The following DEPDC5 variants were observed in gnomAD, a reference collection of about 807,000 sequenced individuals.
The protein encoded by DEPDC5 is DEP domain containing 5, GATOR1 subcomplex subunit.
A neutral mutation model predicts 217.3 loss-of-function variants in DEPDC5; 73 were observed. That is an observed-to-expected ratio of 0.34 (90% CI 0.28 to 0.41). The LOEUF is 0.41. DEPDC5 is among the 10% of genes least tolerant of loss of function. The probability of loss-of-function intolerance (pLI) is 1.00; values close to 1 mark genes in which losing one functional copy is unlikely to be tolerated. For missense variants in DEPDC5, 1,675 were observed against 2,070.1 expected, an observed-to-expected ratio of 0.81 and a Z score of 3.70; for synonymous variants, 733 against 756.7, an observed-to-expected ratio of 0.97 and a Z score of 0.51.
rs185855517 is a variant in DEPDC5 at position 31,849,217 on chromosome 22, C to T, written c.3155+2250C>T. 2.3e-3 allele frequency among the ~76,000 whole-genome samples: 354 copies of T among 152,278 alleles called. 1 individual carries two copies. The highest frequency in any genetic ancestry group is 0.01 in the Middle Eastern group (3 of 294). ...TTTGCCTGTTACCCAATTCCAAAGT[C>T]GCTTCCACATTTTCGGGTATCTTTA... On this transcript the variant is annotated intron_variant, in intron 31 of 42. Coordinates refer to ENST00000651528, the MANE Select transcript of DEPDC5 (RefSeq NM_001242896.3).
At chr22:31,815,613 G>A (rs1404101666) in intron 21 of DEPDC5, 32 of 590,436 alleles carry the variant, frequency 5.4e-5, no homozygotes, top group East Asian at 4.9e-4. Context: ...ACCTCAGTGC[G>A]GCCTTGAACT....
intron 9 of DEPDC5, chr22:31,784,385 T>C: frequency 5.3e-6 from 1 of 190,032 alleles, no homozygotes; most frequent in South Asian, 1.0e-4. Flanking sequence ...TCCTAGCACT[T>C]TGGGAGGCTG....
At chr22:31,809,746 A>C (rs1602047725) in intron 19 of DEPDC5, 99 bp downstream of exon 19, 1 of 1,273,488 alleles carries the variant, frequency 7.9e-7, no homozygotes, top group Non-Finnish European at 1.1e-6. Flanking sequence ...TTGGGAGGCC[A>C]AGGTTGGTGG....
At position 31,792,083 on chromosome 22, in the gene DEPDC5, C is replaced by G. The variant is rs1384974730; in HGVS notation, c.675C>G (p.Phe225Leu). ...CAGTGGTCCTGTTTTCTAGAACTTT[C>G]TATGATGCAAAATCTGTTGGTGAGT... Reference protein sequence around the residue: ...EVTVVLFSRTFYDAKSVDEFP... With the variant: ...EVTVVLFSRTLYDAKSVDEFP... The change falls in exon 11 of 43, where the codon TTC (phenylalanine) becomes TTG (leucine). Residue 225 changes from phenylalanine (F) to leucine (L), a missense_variant. Physicochemically the swap from Phe to Leu is conservative, Grantham distance 22. Coordinates refer to ENST00000651528, the MANE Select transcript of DEPDC5 (RefSeq NM_001242896.3). 3.1e-6 allele frequency: 5 copies of G among 1,612,086 alleles called. No homozygotes were observed. The African/African-American group carries it at 6.7e-5, about 22-fold the overall frequency.
At chr22:31,870,052 T>C (rs2092799027) in intron 33 of DEPDC5, among the ~76,000 whole-genome samples, 1 of 152,230 alleles carries the variant, frequency 6.6e-6, no homozygotes, top group African/African-American at 2.4e-5. Context: ...AGCTATCAGA[T>C]GGCTCTGAGA....
At chr22:31,810,778 T>G in intron 20 of DEPDC5, 137 bp downstream of exon 20, 1 of 1,418,498 alleles carries the variant, frequency 7.0e-7, no homozygotes, top group Non-Finnish European at 9.4e-7. Context: ...TTTGTTTGTT[T>G]TGTTTTGTTT....
intron 33 of DEPDC5, among the ~76,000 whole-genome samples, chr22:31,868,265 T>C (rs1285488797): frequency 1.3e-5 from 2 of 152,090 alleles, no homozygotes; most frequent in African/African-American, 4.8e-5. Context: ...TTTGTCATAA[T>C]TGGGGGTTGG....
Position 31,897,622 on chromosome 22 carries a change from G to A in DEPDC5, c.4344G>A (p.Leu1448=), listed in dbSNP as rs1223716268. The part of the protein sequence containing the change: ...QLFIPLNISC[L]LKEGSEHLFD... ...TCATCCCACTCAACATCAGCTGCTT[G>A]CTCAAGGAGGGCAGCGAGCACCTGT... Residue 1448 remains leucine, a synonymous_variant, in exon 40 of 43, where the codon TTG becomes TTA. Coordinates refer to ENST00000651528, the MANE Select transcript of DEPDC5 (RefSeq NM_001242896.3). 6.2e-7 allele frequency: 1 copy of A among 1,614,034 alleles called. No individual in the cohort carries two copies. Among genetic ancestry groups the A allele is most frequent in the Non-Finnish European group, 8.5e-7 (1 of 1,180,002 alleles).
intron 38 of DEPDC5, among the ~76,000 whole-genome samples, chr22:31,889,713 G>C (rs1017655716): frequency 9.9e-5 from 15 of 151,998 alleles, no homozygotes; most frequent in African/African-American, 3.6e-4. Context: ...GCTAATTTTT[G>C]TATTTTTAGT....
chr22:31,822,350 A>G (rs1242805667), intron 23 of DEPDC5, among the ~76,000 whole-genome samples: 2 of 152,194 alleles, frequency 1.3e-5, no homozygotes, highest in Non-Finnish European at 1.5e-5. Flanking sequence ...AGATGAACTC[A>G]GGTCCATATA....
chr22:31,873,194 T>A, intron 34 of DEPDC5, 61 bp from the exon 35 acceptor site: 1 of 1,612,820 alleles, frequency 6.2e-7, no homozygotes, highest in Non-Finnish European at 8.5e-7. Context: ...GTTCCTAATA[T>A]TCGTGCTCTT....
intron 10 of DEPDC5, among the ~76,000 whole-genome samples, chr22:31,790,364 CT>C (rs2085472869): frequency 6.6e-6 from 1 of 152,204 alleles, no homozygotes; most frequent in African/African-American, 2.4e-5. Context: ...TGCTAGCTAA[CT>C]GTTGCAAGCC....
In DEPDC5 at chr22:31,804,359, G is replaced by A. The variant is rs1198717988; in HGVS notation, c.1143+136G>A. The A allele has an allele frequency of 1.8e-5, 15 of 811,040 alleles. 1 individual carries two copies. The East Asian group carries it at 3.7e-4, about 20-fold the overall frequency. The allele number at this position is 811,040 out of a possible 1,614,324, so 50.2% of individuals were successfully genotyped here. A position where few individuals can be genotyped will look rare whatever the true frequency, so the allele number is the denominator to read the frequency against. ...AAGTGGGAAGATCCCTTAAGCCTAG[G>A]AGTTTCGGTATAGTTTGCTATGAAC... On this transcript the variant is annotated intron_variant, in intron 16 of 42. Transcript: ENST00000651528.
chr22:31,812,420 CTTTTTTT>C (rs57618137), intron 20 of DEPDC5, among the ~76,000 whole-genome samples: 9 of 98,282 alleles, frequency 9.2e-5, no homozygotes, highest in Admixed American at 4.7e-4. Context: ...TTCCATATTT[CTTTTTTT>C]TTTTTTTTTT....
At chr22:31,793,391 G>A (rs1197750316) in intron 12 of DEPDC5, among the ~76,000 whole-genome samples, 2 of 151,892 alleles carry the variant, frequency 1.3e-5, no homozygotes, top group African/African-American at 2.4e-5. Flanking sequence ...ATAATATAAT[G>A]AGCCCGTATA....
At chr22:31,811,792 C>A (rs1166373488) in intron 20 of DEPDC5, among the ~76,000 whole-genome samples, 3 of 151,310 alleles carry the variant, frequency 2.0e-5, no homozygotes, top group Admixed American at 2.0e-4. Context: ...GCCATCCTCC[C>A]GCCTTAGTCT....
intron 4 of DEPDC5, among the ~76,000 whole-genome samples, chr22:31,762,813 C>CT (rs910803784): frequency 7.3e-5 from 11 of 150,826 alleles, no homozygotes; most frequent in South Asian, 4.2e-4. Flanking sequence ...CCCACTCTTT[C>CT]TTTTTTTTTA....
At position 31,836,957 on chromosome 22, in the gene DEPDC5, T is replaced by G. The variant is rs777615948; in HGVS notation, c.2171-15T>G. 20 of 1,441,784 alleles carry G rather than the reference T, an allele frequency of 1.4e-5. No homozygotes were observed. In the East Asian group the frequency reaches 6.0e-4, roughly 43 times the overall value. The allele number at this position is 1,441,784 out of a possible 1,614,324, so 89.3% of individuals were successfully genotyped here. ...GGTGACCACATGTACCTTTTCCCCC[T>G]GTTACGTGAGGCAGTTCTGACACTG... On this transcript the variant is annotated splice_polypyrimidine_tract_variant and intron_variant, in intron 25 of 42. Coordinates refer to ENST00000651528, the MANE Select transcript of DEPDC5 (RefSeq NM_001242896.3).
rs552288628 is a variant in DEPDC5 at position 31,862,070 on chromosome 22, A to G, written c.3330+637A>G. Among the ~76,000 whole-genome samples, 24 of 151,838 alleles carry G rather than the reference A, an allele frequency of 1.6e-4. No homozygotes were observed. In the East Asian group the frequency reaches 4.7e-3, roughly 30 times the overall value. On this transcript the variant is annotated intron_variant, in intron 33 of 42. Coordinates refer to ENST00000651528, the MANE Select transcript of DEPDC5 (RefSeq NM_001242896.3). The stretch of plus-strand genomic sequence containing the variant: ...ACCAGCCTCAACATGGAGAAACCCC[A>G]TCTCTACTAAAAATACAAAAAATTA...
Sources: gnomAD v4.1 joint callset for allele counts (sites outside exome capture counted in the v4.1 genomes callset) on GRCh38, gnomAD v4.1.1 for gene constraint, MANE v1.5 for transcripts, NCBI Gene and HGNC (gene_info 2026-07-23, HGNC 2026-07-21) for gene names.